The following PRKAA1 variants were observed in gnomAD, a reference collection of about 807,000 sequenced individuals.
PRKAA1 encodes the protein protein kinase AMP-activated catalytic subunit alpha 1, also known as 5'-AMP-activated protein kinase catalytic subunit alpha-1.
PRKAA1 carries 23 observed loss-of-function variants against 56.9 expected under a neutral mutation model. The ratio of observed to expected loss-of-function variants is 0.40; its 90% CI spans 0.29 to 0.57. The LOEUF is 0.57. Among genes scored for constraint, PRKAA1 ranks in the 20% least tolerant of loss-of-function variants. The pLI, the probability that PRKAA1 is intolerant of heterozygous loss-of-function variation, is 0.39. For missense variants in PRKAA1, 413 were observed against 679.7 expected (o/e 0.61, Z 4.36); for synonymous variants, 226 against 227.0 (o/e 1.00, Z 0.04).
intron 1 of PRKAA1, among the ~76,000 whole-genome samples, chr5:40,781,234 T>C (rs1048149304): frequency 6.6e-6 from 1 of 152,186 alleles, no homozygotes; most frequent in Admixed American, 6.5e-5. Flanking sequence ...TCTTTCAGTA[T>C]TTCAACATTT....
chr5:40,789,122 G>T (rs190002490), intron 1 of PRKAA1, among the ~76,000 whole-genome samples: 225 of 148,720 alleles, frequency 1.5e-3, no homozygotes, highest in Admixed American at 3.4e-3. Flanking sequence ...GAGGTGGGAG[G>T]ATCGCTTGAG....
At chr5:40,792,632 T>C (rs962043115) in intron 1 of PRKAA1, among the ~76,000 whole-genome samples, 3 of 152,236 alleles carry the variant, frequency 2.0e-5, no homozygotes, top group Admixed American at 6.5e-5. Context: ...CTTATATTTT[T>C]AAGATTCATT....
chr5:40,791,516 T>TA (rs758531848), intron 1 of PRKAA1, among the ~76,000 whole-genome samples: 26 of 152,234 alleles, frequency 1.7e-4, no homozygotes, highest in Non-Finnish European at 3.1e-4. Flanking sequence ...TCTAATTAGA[T>TA]ATATAATCCT....
rs1053116 is a variant in PRKAA1 at position 40,760,729 on chromosome 5, G to A, written c.*2049C>T. 1 of 152,672 alleles carries A rather than the reference G, an allele frequency of 6.5e-6. No individual in the cohort carries two copies. Among genetic ancestry groups the A allele is most frequent in the Admixed American group, 6.6e-5 (1 of 15,264 alleles). 9.5% of individuals were successfully genotyped at this position (152,672 alleles called of 1,614,324 possible). A position where few individuals can be genotyped will look rare whatever the true frequency, so the allele number is the denominator to read the frequency against. On this transcript the variant is annotated 3_prime_UTR_variant, in exon 9 of 9. Transcript: ENST00000397128. ...AGTGCATGATTCTAGAAGTGCTTGA[G>A]TCAAATCTACTAGAGTCACCATTTA...
intron 1 of PRKAA1, among the ~76,000 whole-genome samples, chr5:40,797,569 C>T (rs565372173): frequency 1.3e-5 from 2 of 152,304 alleles, no homozygotes; most frequent in Admixed American, 6.5e-5. Flanking sequence ...ATTTCGCACT[C>T]GGGAAACAGC....
chr5:40,772,804 T>C (rs1561173139), intron 3 of PRKAA1, among the ~76,000 whole-genome samples: 1 of 152,112 alleles, frequency 6.6e-6, no homozygotes, highest in African/African-American at 2.4e-5. Flanking sequence ...CCACTAATTT[T>C]TGTATTTCTG....
intron 6 of PRKAA1, among the ~76,000 whole-genome samples, chr5:40,766,086 G>C (rs1743419838): frequency 6.6e-6 from 1 of 151,962 alleles, no homozygotes; most frequent in Non-Finnish European, 1.5e-5. Context: ...GAAGAAAATA[G>C]GTAAAATACA....
chr5:40,788,614 G>A (rs77942236), intron 1 of PRKAA1, among the ~76,000 whole-genome samples: 4,655 of 152,252 alleles, frequency 0.031, 161 homozygotes, highest in Admixed American at 0.098. Flanking sequence ...CGGATCACAA[G>A]GTCAGGAGTT....
In PRKAA1 at chr5:40,798,206, G is replaced by C; in HGVS notation, c.-17C>G. On this transcript the variant is annotated 5_prime_UTR_variant, in exon 1 of 9. Coordinates refer to ENST00000397128, the MANE Select transcript of PRKAA1 (RefSeq NM_006251.6). ...TCTGCGCATGGCGCTGCGGGAGGGG[G>C]CGGAGGGGGCGGGCAGGGCCGCGCC... 1.0e-6 allele frequency: 1 copy of C among 982,724 alleles called. No homozygotes were observed. Among genetic ancestry groups the C allele is most frequent in the Non-Finnish European group, 1.5e-6 (1 of 668,988 alleles). The allele number at this position is 982,724 out of a possible 1,614,324, so 60.9% of individuals were successfully genotyped here. A position where few individuals can be genotyped will look rare whatever the true frequency, so the allele number is the denominator to read the frequency against.
rs1743096725 is a variant in PRKAA1 at position 40,759,906 on chromosome 5, TAGA to T, written c.*2869_*2871del. On this transcript the variant is annotated 3_prime_UTR_variant, in exon 9 of 9. Transcript: ENST00000397128. ...TAAGCTCCCATATGCCCCAACCTGGTAGAAAAGTTCCTCTCAGTGAGAAATCAT... is the reference window on the plus strand; with the variant it reads ...TAAGCTCCCATATGCCCCAACCTGGTAAAGTTCCTCTCAGTGAGAAATCAT... 1 of 152,564 alleles carries T rather than the reference TAGA, an allele frequency of 6.6e-6. No individual in the cohort carries two copies. The highest frequency in any genetic ancestry group is 6.5e-5 in the Admixed American group (1 of 15,272). The allele number at this position is 152,564 out of a possible 1,614,324, so 9.5% of individuals were successfully genotyped here. A position where few individuals can be genotyped will look rare whatever the true frequency, so the allele number is the denominator to read the frequency against.
chr5:40,797,023 T>C (rs1744955577), intron 1 of PRKAA1, among the ~76,000 whole-genome samples: 1 of 152,236 alleles, frequency 6.6e-6, no homozygotes, highest in Admixed American at 6.5e-5. Context: ...TAAACGTTTT[T>C]TTGCCAGAAT....
intron 1 of PRKAA1, among the ~76,000 whole-genome samples, chr5:40,792,669 A>C (rs1579762046): frequency 6.6e-6 from 1 of 152,222 alleles, no homozygotes; most frequent in East Asian, 1.9e-4. Flanking sequence ...GCTCTAGTTC[A>C]TGTTTATAAT....
intron 1 of PRKAA1, among the ~76,000 whole-genome samples, chr5:40,783,322 A>T (rs1264609575): frequency 1.3e-5 from 2 of 150,984 alleles, no homozygotes; most frequent in East Asian, 1.9e-4. Flanking sequence ...TTACAAACAT[A>T]AAAAAAAATT....
intron 1 of PRKAA1, among the ~76,000 whole-genome samples, chr5:40,779,507 T>G (rs1744173567): frequency 6.6e-6 from 1 of 152,196 alleles, no homozygotes; most frequent in Non-Finnish European, 1.5e-5. Flanking sequence ...TCAGGTATAC[T>G]AACAACCATT....
chr5:40,785,719 G>C (rs1485946376), intron 1 of PRKAA1, among the ~76,000 whole-genome samples: 1 of 152,064 alleles, frequency 6.6e-6, no homozygotes, highest in African/African-American at 2.4e-5. Context: ...TTTGGAAATA[G>C]GATCTTTTCA....
At chr5:40,771,641 T>A (rs905556966) in intron 4 of PRKAA1, 78 bp downstream of exon 4, 9 of 1,397,610 alleles carry the variant, frequency 6.4e-6, no homozygotes, top group Non-Finnish European at 8.8e-6. Context: ...TACAGTTATC[T>A]GAAGAATTCT....
intron 1 of PRKAA1, among the ~76,000 whole-genome samples, chr5:40,786,786 C>CAAAAAAAAA (rs34749478): frequency 5.5e-4 from 24 of 43,512 alleles, no homozygotes; most frequent in African/African-American, 1.1e-3. Context: ...ACTAAAAATA[C>CAAAAAAAAA]AAAAAAAAAA....
At chr5:40,788,427 A>C (rs565050961) in intron 1 of PRKAA1, among the ~76,000 whole-genome samples, 1 of 152,342 alleles carries the variant, frequency 6.6e-6, no homozygotes, top group East Asian at 1.9e-4. Flanking sequence ...AACTTAGGCG[A>C]GAAGCTCCAT....
intron 2 of PRKAA1, among the ~76,000 whole-genome samples, chr5:40,775,780 T>C (rs373752873): frequency 6.6e-6 from 1 of 152,150 alleles, no homozygotes; most frequent in East Asian, 1.9e-4. Flanking sequence ...GGAAAGCCTC[T>C]AATAAAGTAA....
Sources: gnomAD v4.1 joint callset for allele counts (sites outside exome capture counted in the v4.1 genomes callset) on GRCh38, gnomAD v4.1.1 for gene constraint, MANE v1.5 for transcripts, NCBI Gene and HGNC (gene_info 2026-07-23, HGNC 2026-07-21) for gene names.